NPIPB2: variants seen among roughly 807,000 people sequenced by gnomAD.
The protein encoded by NPIPB2 is nuclear pore complex-interacting protein family member B2.
A neutral mutation model predicts 30.8 loss-of-function variants in NPIPB2; 27 were observed. That is an observed-to-expected ratio of 0.88 (90% CI 0.65 to 1.21). The LOEUF is 1.21. NPIPB2 is among the 50% of genes most tolerant of loss of function. The probability of loss-of-function intolerance (pLI) is 0.00; values close to 1 mark genes in which losing one functional copy is unlikely to be tolerated. For missense variants in NPIPB2, 440 were observed against 446.2 expected (o/e 0.99, Z 0.13); for synonymous variants, 147 against 162.0 (o/e 0.91, Z 0.70).
chr16:11,960,908 C>A (rs1038534596), intron 1 of NPIPB2, among the ~76,000 whole-genome samples: 1 of 151,134 alleles, frequency 6.6e-6, no homozygotes. Context: ...ACTCCGTAGC[C>A]CAGACTGCAG....
upstream of NPIPB2, among the ~76,000 whole-genome samples, chr16:11,944,907 G>A (rs1314896978): frequency 2.0e-5 from 3 of 151,718 alleles, no homozygotes; most frequent in Admixed American, 1.3e-4. Context: ...AGCCGGGCAC[G>A]GTGGCTCATG....
intron 1 of NPIPB2, among the ~76,000 whole-genome samples, chr16:11,953,276 G>C (rs369124482): frequency 6.6e-6 from 1 of 152,122 alleles, no homozygotes; most frequent in Admixed American, 6.6e-5. Flanking sequence ...CTCACAAGTA[G>C]CTGGGATTAC....
intron 1 of NPIPB2, among the ~76,000 whole-genome samples, chr16:11,950,493 T>C (rs2055052194): frequency 6.6e-6 from 1 of 152,156 alleles, no homozygotes; most frequent in Non-Finnish European, 1.5e-5. Flanking sequence ...AAGATGGGCT[T>C]CATGCCTGAT....
At chr16:11,966,004 G>C (rs571754032) in intron 1 of NPIPB2, among the ~76,000 whole-genome samples, 9 of 152,106 alleles carry the variant, frequency 5.9e-5, no homozygotes, top group Admixed American at 4.6e-4. Context: ...CCAGCTACTC[G>C]GGAGGCTGAG....
intron 2 of NPIPB2, among the ~76,000 whole-genome samples, chr16:11,935,665 G>C (rs2054855710): frequency 6.6e-6 from 1 of 150,848 alleles, no homozygotes; most frequent in Non-Finnish European, 1.5e-5. Context: ...CCTGATTTCT[G>C]CACATAGGAT....
At chr16:11,942,120 T>A (rs2150919707), upstream of NPIPB2, 1 of 1,532,306 alleles carries the variant, frequency 6.5e-7, no homozygotes, top group East Asian at 2.4e-5. Flanking sequence ...TCAACCTGTA[T>A]CTCAGGAACA....
upstream of NPIPB2, among the ~76,000 whole-genome samples, chr16:11,946,448 T>C (rs901828471): frequency 6.7e-6 from 1 of 149,800 alleles, no homozygotes; most frequent in Non-Finnish European, 1.5e-5. Context: ...GTGCCTTTAG[T>C]CCTAGCCACT....
intron 1 of NPIPB2, among the ~76,000 whole-genome samples, chr16:11,953,010 C>G (rs896982946): frequency 6.6e-6 from 1 of 152,158 alleles, no homozygotes; most frequent in Non-Finnish European, 1.5e-5. Context: ...TTCTCAAGGT[C>G]AAGAGCACTA....
chr16:11,933,507 C>T lies in NPIPB2; in HGVS notation c.488+10G>A. The T allele has an allele frequency of 6.3e-7, 1 of 1,596,860 alleles. No individual in the cohort carries two copies. Among genetic ancestry groups the T allele is most frequent in the South Asian group, 1.1e-5 (1 of 90,972 alleles). ...TCATACAACAATATTTGTGTCAAGG[C>T]ACATCTTACTGTTTTTTGGCGGTCT... On this transcript the variant is annotated intron_variant, in intron 4 of 7. Transcript: ENST00000399147.
chr16:11,961,568 T>C (rs1243592150), intron 1 of NPIPB2, among the ~76,000 whole-genome samples: 9 of 151,280 alleles, frequency 5.9e-5, no homozygotes, highest in Non-Finnish European at 1.3e-4. Flanking sequence ...TCACTTGAGG[T>C]CAGGAGTTCG....
rs535227540 is a variant in NPIPB2, at chr16:11,965,193, C to A, written c.-584+11375G>T. On this transcript the variant is annotated intron_variant, in intron 1 of 5. Transcript: ENST00000538896. ...CACAGACAGCCCCCGTAAGAACCCA[C>A]GAAGCAGGCGAAGTTCATTGTTCTC... The A allele has an allele frequency of 1.7e-5, 21 of 1,202,014 alleles. No individual in the cohort carries two copies. In the South Asian group the frequency reaches 2.8e-4, roughly 16 times the overall value. 74.5% of individuals were successfully genotyped at this position (1,202,014 alleles called of 1,614,324 possible).
chr16:11,930,566 G>C lies in NPIPB2; in HGVS notation c.489-15C>G. The C allele has an allele frequency of 1.3e-6, 2 of 1,552,398 alleles. No individual in the cohort carries two copies. Among genetic ancestry groups the C allele is most frequent in the Non-Finnish European group, 1.7e-6 (2 of 1,156,726 alleles). ...CGCTTAGTTTCCTCAGATTAGAAGG[G>C]AGAGAAATGCACACACATGATCCAC... On this transcript the variant is annotated splice_polypyrimidine_tract_variant and intron_variant, in intron 4 of 7. Coordinates refer to ENST00000399147, the Ensembl canonical transcript of NPIPB2.
chr16:11,966,270 C>A (rs1165563790), intron 1 of NPIPB2: 1 of 1,613,876 alleles, frequency 6.2e-7, no homozygotes, highest in Non-Finnish European at 8.5e-7. Flanking sequence ...ATTTCTTTGG[C>A]AGTTTTCGTG....
intron 1 of NPIPB2, chr16:11,941,144 C>T (rs1268745670): frequency 6.7e-7 from 1 of 1,487,692 alleles, no homozygotes. Flanking sequence ...AAGGAAGAAA[C>T]CCCGCGGGTC....
intron 4 of NPIPB2, among the ~76,000 whole-genome samples, chr16:11,933,178 T>C (rs1050748237): frequency 1.3e-5 from 2 of 151,640 alleles, no homozygotes; most frequent in South Asian, 2.1e-4. Context: ...GGAGAATTGC[T>C]TGAACCCAAA....
intron 1 of NPIPB2, among the ~76,000 whole-genome samples, chr16:11,952,133 A>G (rs1249080308): frequency 1.4e-5 from 2 of 145,922 alleles, no homozygotes; most frequent in Non-Finnish European, 3.0e-5. Flanking sequence ...AGCCTGGGCG[A>G]CAGAGTGAGA....
Position 11,927,432 on chromosome 16 carries a change from GTGA to G in NPIPB2, c.1132_1134del (p.Ser378del), listed in dbSNP as rs761478378. On this transcript the variant is annotated inframe_deletion, in exon 8 of 8. Coordinates refer to ENST00000399147, the Ensembl canonical transcript of NPIPB2. ...CTCAACCTCCGCCTCTTGGGCTCGG[GTGA>G]TGATGGTTCCACCTCAGCGGCCCTC... 24 of 1,194,800 alleles carry G rather than the reference GTGA, an allele frequency of 2.0e-5. No homozygotes were observed. The South Asian group carries it at 3.0e-4, about 15-fold the overall frequency. The allele number at this position is 1,194,800 out of a possible 1,614,324, so 74.0% of individuals were successfully genotyped here.
At chr16:11,976,627 G>A (rs1476309871) in exon 1 of NPIPB2, 1 of 384,086 alleles carries the variant, frequency 2.6e-6, no homozygotes, top group Non-Finnish European at 4.5e-6. Context: ...CGGCGACTTG[G>A]ATCTGCGCCG....
At position 11,965,147 on chromosome 16, in the gene NPIPB2, A is replaced by G. The variant is rs947520239; in HGVS notation, c.-584+11421T>C. ...AAACTTGAATTAGATGTGGTATTCAAATCCTTAGCTGCCGCGAAGACACAG... is the reference window on the plus strand; with the variant it reads ...AAACTTGAATTAGATGTGGTATTCAGATCCTTAGCTGCCGCGAAGACACAG... On this transcript the variant is annotated intron_variant, in intron 1 of 5. Coordinates refer to the NPIPB2 transcript ENST00000538896. 39 of 714,916 alleles carry G rather than the reference A, an allele frequency of 5.5e-5. 1 individual carries two copies. In the East Asian group the frequency reaches 9.3e-4, roughly 17 times the overall value. 44.3% of individuals were successfully genotyped at this position (714,916 alleles called of 1,614,324 possible).
Sources: allele counts gnomAD v4.1 joint callset (sites outside exome capture counted in the v4.1 genomes callset), GRCh38; gene constraint gnomAD v4.1.1; transcripts MANE v1.5; gene names NCBI Gene and HGNC (gene_info 2026-07-23, HGNC 2026-07-21).